The following ANO1 variants were observed in gnomAD, a reference collection of about 807,000 sequenced individuals.
ANO1 encodes the protein anoctamin 1.
In ANO1, 59 loss-of-function variants were observed where a neutral mutation model predicts 124.0. The observed-to-expected ratio is 0.48, with a 90% CI of 0.39 to 0.59. ANO1 has a LOEUF of 0.59. ANO1 is among the 20% of genes least tolerant of loss of function. ANO1 has a pLI of 0.00. For synonymous variants in ANO1, 529 were observed against 532.0 expected, an observed-to-expected ratio of 0.99 and a Z score of 0.08; for missense variants, 1,059 against 1,328.0, an observed-to-expected ratio of 0.80 and a Z score of 3.15.
intron 1 of ANO1, among the ~76,000 whole-genome samples, chr11:70,014,175 A>T (rs190779312): frequency 6.6e-6 from 1 of 152,012 alleles, no homozygotes; most frequent in African/African-American, 2.4e-5. Flanking sequence ...CTGGGGGGGA[A>T]GCACAATTCA....
At chr11:70,121,756 T>A (rs2046287363) in intron 8 of ANO1, among the ~76,000 whole-genome samples, 1 of 133,648 alleles carries the variant, frequency 7.5e-6, no homozygotes, top group Non-Finnish European at 1.6e-5. Context: ...TCTCTCCATC[T>A]CCCCCACCTC....
chr11:70,104,800 A>G (rs2045433497), intron 4 of ANO1, among the ~76,000 whole-genome samples: 1 of 152,106 alleles, frequency 6.6e-6, no homozygotes, highest in Non-Finnish European at 1.5e-5. Flanking sequence ...TCTGGCGGGC[A>G]GGAGGGCTCC....
chr11:70,140,523 C>T (rs2047113732), intron 11 of ANO1, among the ~76,000 whole-genome samples: 1 of 150,968 alleles, frequency 6.6e-6, no homozygotes, highest in African/African-American at 2.4e-5. Context: ...AAGAGCAAGA[C>T]TCTGTCTCAA....
At chr11:70,087,412 T>C (rs1019583508) in intron 1 of ANO1, among the ~76,000 whole-genome samples, 3 of 152,180 alleles carry the variant, frequency 2.0e-5, no homozygotes, top group Non-Finnish European at 4.4e-5. Context: ...TCCCCTACCA[T>C]AGCTTTTTGC....
At position 70,087,829 on chromosome 11, in the gene ANO1, G is replaced by A; in HGVS notation, c.186G>A (p.Val62=). The A allele has an allele frequency of 6.2e-7, 1 of 1,613,090 alleles. No homozygotes were observed. The highest frequency in any genetic ancestry group is 8.5e-7 in the Non-Finnish European group (1 of 1,179,766). ...GLYFRDGRRK[V]DYILVYHHKR... ...ACTTCAGGGACGGCCGGCGCAAGGT[G>A]GACTACATCCTGGTGTACCATCACA... The change falls in exon 2 of 26, where the codon GTG becomes GTA. Residue 62 remains valine, a synonymous_variant. Coordinates refer to ENST00000355303, the MANE Select transcript of ANO1 (RefSeq NM_018043.7).
intron 11 of ANO1, among the ~76,000 whole-genome samples, chr11:70,138,484 C>CA (rs2047030626): frequency 7.5e-6 from 1 of 133,178 alleles, no homozygotes; most frequent in Non-Finnish European, 1.6e-5. Context: ...CCAGCCTGGG[C>CA]AAAAAGAGTG....
intron 2 of ANO1, among the ~76,000 whole-genome samples, chr11:70,101,961 C>A (rs915498533): frequency 1.3e-5 from 2 of 152,208 alleles, no homozygotes; most frequent in Admixed American, 6.5e-5. Context: ...TGTTTCCCTT[C>A]TCGTTGCGTC....
chr11:70,045,222 ATGTT>A (rs1367357866), intron 1 of ANO1, among the ~76,000 whole-genome samples: 2 of 152,242 alleles, frequency 1.3e-5, no homozygotes, highest in Non-Finnish European at 2.9e-5. Context: ...ATTTTTCTAT[ATGTT>A]TGGGATTATA....
At chr11:70,043,175 A>G in intron 1 of ANO1, among the ~76,000 whole-genome samples, 1 of 152,224 alleles carries the variant, frequency 6.6e-6, no homozygotes, top group Non-Finnish European at 1.5e-5. Context: ...AAAAATCCAA[A>G]TGGAACTCCT....
At chr11:70,145,438 T>C (rs1354107441) in intron 11 of ANO1, among the ~76,000 whole-genome samples, 1 of 152,152 alleles carries the variant, frequency 6.6e-6, no homozygotes, top group Non-Finnish European at 1.5e-5. Flanking sequence ...AGGAAATGCA[T>C]AATTTTTATG....
chr11:70,176,066 A>G lies in ANO1; in HGVS notation c.2351-3938A>G, dbSNP rs117869965. Among the ~76,000 whole-genome samples the G allele has an allele frequency of 2.5e-3, 385 of 152,218 alleles. 4 individuals are homozygous for G. In the East Asian group the frequency reaches 0.028, roughly 11 times the overall value. On this transcript the variant is annotated intron_variant, in intron 22 of 25. Coordinates refer to ENST00000355303, the MANE Select transcript of ANO1 (RefSeq NM_018043.7). ...TATACATTTTAGGGAGACATGAAACATCAATCAGATACATCTAAGGTATAC... is the reference window on the plus strand; with the variant it reads ...TATACATTTTAGGGAGACATGAAACGTCAATCAGATACATCTAAGGTATAC...
intron 1 of ANO1, among the ~76,000 whole-genome samples, chr11:70,033,559 C>T (rs370707545): frequency 1.6e-4 from 24 of 152,222 alleles, no homozygotes; most frequent in African/African-American, 5.8e-4. Context: ...ATAGCTTTCT[C>T]TTCTCCCTGT....
intron 2 of ANO1, 44 bp from the exon 3 acceptor site, chr11:70,103,022 A>G (rs1323555759): frequency 2.2e-6 from 3 of 1,356,208 alleles, no homozygotes; most frequent in Admixed American, 4.5e-5. Context: ...TTCCACAGAG[A>G]TGCACCGCCC....
At chr11:70,031,930 G>A (rs1348235191) in intron 1 of ANO1, among the ~76,000 whole-genome samples, 6 of 152,242 alleles carry the variant, frequency 3.9e-5, no homozygotes, top group African/African-American at 9.6e-5. Context: ...GTGTGGCACC[G>A]GTCCCCTCAC....
upstream of ANO1, among the ~76,000 whole-genome samples, chr11:69,984,778 G>A (rs1210509372): frequency 1.3e-5 from 2 of 152,194 alleles, no homozygotes; most frequent in Non-Finnish European, 2.9e-5. Flanking sequence ...AGGGTCCCTG[G>A]CATGGGCTGG....
intron 1 of ANO1, among the ~76,000 whole-genome samples, chr11:70,011,212 C>T (rs4980576): frequency 7.9e-5 from 12 of 152,006 alleles, no homozygotes; most frequent in African/African-American, 2.4e-4. Context: ...GGCCTGGGGT[C>T]GGGGAGTGGA....
chr11:70,094,285 G>A (rs886137747), intron 2 of ANO1, among the ~76,000 whole-genome samples: 4 of 152,222 alleles, frequency 2.6e-5, no homozygotes, highest in African/African-American at 4.8e-5. Flanking sequence ...GGTTGCCATG[G>A]CCTCAGGACA....
the ANO1 span, among the ~76,000 whole-genome samples, chr11:69,979,925 T>A: frequency 6.6e-6 from 1 of 152,176 alleles, no homozygotes; most frequent in African/African-American, 2.4e-5. Flanking sequence ...CCTGGCCAAC[T>A]GTGCCGTGCC....
chr11:70,143,889 C>T (rs926352226), intron 11 of ANO1, among the ~76,000 whole-genome samples: 2 of 152,138 alleles, frequency 1.3e-5, no homozygotes, highest in African/African-American at 2.4e-5. Flanking sequence ...AATTCAGTGG[C>T]ATTTAGCACA....
Sources: allele counts gnomAD v4.1 joint callset (sites outside exome capture counted in the v4.1 genomes callset), GRCh38; gene constraint gnomAD v4.1.1; transcripts MANE v1.5; gene names NCBI Gene and HGNC (gene_info 2026-07-23, HGNC 2026-07-21).